The following PDE10A variants were observed in gnomAD, a reference collection of about 807,000 sequenced individuals.
The protein encoded by PDE10A is phosphodiesterase 10A.
PDE10A carries 39 observed loss-of-function variants against 97.7 expected under a neutral mutation model. The ratio of observed to expected loss-of-function variants is 0.40; its 90% CI spans 0.31 to 0.52. The LOEUF (loss-of-function observed/expected upper bound fraction) is 0.52, where lower values mean the gene tolerates loss of function less well. PDE10A is among the 20% of genes least tolerant of loss of function. PDE10A has a pLI of 0.56. For missense variants in PDE10A, 731 were observed against 1,047.8 expected (o/e 0.70, Z 4.17); for synonymous variants, 371 against 376.8 (o/e 0.98, Z 0.18).
At chr6:165,450,481 G>A in intron 3 of PDE10A, 119 bp from the exon 4 acceptor site, 1 of 419,824 alleles carries the variant, frequency 2.4e-6, no homozygotes, top group Non-Finnish European at 4.2e-6. Flanking sequence ...TATTCATTAT[G>A]CTTTTATAGC....
At chr6:165,883,066 T>A (rs999983713) in intron 1 of PDE10A, among the ~76,000 whole-genome samples, 35 of 152,002 alleles carry the variant, frequency 2.3e-4, no homozygotes, top group African/African-American at 8.2e-4. Flanking sequence ...TGAAACCCCA[T>A]CTCTACTAAA....
intron 18 of PDE10A, among the ~76,000 whole-genome samples, chr6:165,352,758 T>C (rs1396207737): frequency 1.3e-5 from 2 of 152,068 alleles, no homozygotes; most frequent in Non-Finnish European, 2.9e-5. Flanking sequence ...CACAGATATA[T>C]AACATAGAAG....
chr6:165,591,932 T>C (rs1348681829), intron 1 of PDE10A, among the ~76,000 whole-genome samples: 3 of 152,172 alleles, frequency 2.0e-5, no homozygotes, highest in Non-Finnish European at 2.9e-5. Flanking sequence ...AAAAATGCTA[T>C]AGTAGCATAT....
intron 1 of PDE10A, among the ~76,000 whole-genome samples, chr6:165,594,420 C>CA (rs1323623691): frequency 6.6e-6 from 1 of 151,504 alleles, no homozygotes; most frequent in African/African-American, 2.4e-5. Context: ...ACATTAAGTA[C>CA]AAAAAAGAAT....
intron 1 of PDE10A, among the ~76,000 whole-genome samples, chr6:165,621,561 G>A (rs1283523391): frequency 6.6e-6 from 1 of 152,052 alleles, no homozygotes; most frequent in Non-Finnish European, 1.5e-5. Context: ...TTCAAGATGA[G>A]CCTGGCCAAT....
chr6:165,380,138 T>G (rs2128207406), intron 17 of PDE10A, among the ~76,000 whole-genome samples: 1 of 152,330 alleles, frequency 6.6e-6, no homozygotes, highest in South Asian at 2.1e-4. Flanking sequence ...TTAAGGTTTT[T>G]ATTTGTAATT....
intron 1 of PDE10A, among the ~76,000 whole-genome samples, chr6:165,561,084 T>A (rs1244541352): frequency 6.6e-6 from 1 of 151,924 alleles, no homozygotes; most frequent in Non-Finnish European, 1.5e-5. Flanking sequence ...CCAGGCGTGG[T>A]GGCGGGCACC....
chr6:165,901,699 G>A (rs1782111093), intron 1 of PDE10A, among the ~76,000 whole-genome samples: 1 of 152,200 alleles, frequency 6.6e-6, no homozygotes. Flanking sequence ...CTACTCGGGA[G>A]GCTGAGGCAG....
intron 1 of PDE10A, among the ~76,000 whole-genome samples, chr6:165,898,791 C>T (rs1211923346): frequency 6.6e-6 from 1 of 152,118 alleles, no homozygotes; most frequent in Non-Finnish European, 1.5e-5. Context: ...CCTCCCAGGA[C>T]CTGGCTGCTG....
intron 1 of PDE10A, among the ~76,000 whole-genome samples, chr6:165,745,047 T>G (rs1042880891): frequency 3.3e-5 from 5 of 152,214 alleles, no homozygotes; most frequent in Non-Finnish European, 7.3e-5. Context: ...GTCTGTTAGT[T>G]TTAACAGGAT....
intron 1 of PDE10A, among the ~76,000 whole-genome samples, chr6:165,628,373 G>A (rs111704681): frequency 1.3e-3 from 201 of 151,742 alleles, no homozygotes; most frequent in African/African-American, 4.5e-3. Context: ...TTTTTCAGAG[G>A]TAGAGTCTTG....
At chr6:165,817,143 C>T (rs556661706) in intron 1 of PDE10A, among the ~76,000 whole-genome samples, 35 of 152,242 alleles carry the variant, frequency 2.3e-4, no homozygotes, top group Middle Eastern at 6.8e-3. Context: ...ATCTCCTGCT[C>T]CTGCTGCTCT....
intron 1 of PDE10A, among the ~76,000 whole-genome samples, chr6:165,549,486 G>T (rs184479277): frequency 6.6e-6 from 1 of 151,962 alleles, no homozygotes; most frequent in Admixed American, 6.6e-5. Flanking sequence ...CACCACGCCC[G>T]GCCAATTTTT....
rs565726175 is a variant in PDE10A at position 165,911,884 on chromosome 6, A to G, written c.-615+75645T>C. 1.9e-4 allele frequency among the ~76,000 whole-genome samples: 29 copies of G among 152,292 alleles called. No individual in the cohort carries two copies. The Middle Eastern group carries it at 0.01, about 54-fold the overall frequency. On this transcript the variant is annotated intron_variant, in intron 1 of 19. Coordinates refer to the PDE10A transcript ENST00000366882. ...TGTCCGGAGGAAGCTTTTGAGGGCC[A>G]GGAAGTGTGCGTTTTCCTCTGGGAG...
chr6:165,418,607 G>A lies in PDE10A; in HGVS notation c.1796+28C>T. ...GAACGCCTGCACATCTACCGTAAGAGGATAGGACATTCTACTTCTAGCTGT... is the reference window on the plus strand; with the variant it reads ...GAACGCCTGCACATCTACCGTAAGAAGATAGGACATTCTACTTCTAGCTGT... On this transcript the variant is annotated intron_variant, in intron 11 of 21. Coordinates refer to ENST00000539869, the MANE Select transcript of PDE10A (RefSeq NM_001385079.1). The surrounding 1 kb of genome is among the most constrained non-coding windows in gnomAD (Gnocchi z 4.8). 1 of 1,605,500 alleles carries A rather than the reference G, an allele frequency of 6.2e-7. No homozygotes were observed. The highest frequency in any genetic ancestry group is 8.5e-7 in the Non-Finnish European group (1 of 1,177,094).
chr6:165,829,796 C>T (rs1194264169), intron 1 of PDE10A, among the ~76,000 whole-genome samples: 1 of 152,132 alleles, frequency 6.6e-6, no homozygotes, highest in Non-Finnish European at 1.5e-5. Flanking sequence ...GTTTCTCCAG[C>T]AAAGGAAAGA....
chr6:165,713,364 G>A (rs138689619), intron 1 of PDE10A, among the ~76,000 whole-genome samples: 134 of 152,362 alleles, frequency 8.8e-4, no homozygotes, highest in African/African-American at 3.1e-3. Flanking sequence ...CCAGTGACTA[G>A]GAGAAATAAA....
intron 1 of PDE10A, among the ~76,000 whole-genome samples, chr6:165,960,521 T>G (rs1784323622): frequency 6.6e-6 from 1 of 152,150 alleles, no homozygotes; most frequent in South Asian, 2.1e-4. Context: ...AGGCTACCCC[T>G]AGACATGTTG....
At chr6:165,483,767 C>T (rs1779738341) in intron 2 of PDE10A, among the ~76,000 whole-genome samples, 1 of 152,174 alleles carries the variant, frequency 6.6e-6, no homozygotes, top group East Asian at 1.9e-4. Flanking sequence ...GAATTTTCTA[C>T]CCTCTGCTAG....
Sources: gnomAD v4.1 joint callset for allele counts (sites outside exome capture counted in the v4.1 genomes callset) on GRCh38, gnomAD v4.1.1 for gene constraint, Gnocchi (gnomAD v3.1) non-coding constraint, MANE v1.5 for transcripts, NCBI Gene and HGNC (gene_info 2026-07-23, HGNC 2026-07-21) for gene names.